LDLRAD4: variants seen among roughly 807,000 people sequenced by gnomAD.
LDLRAD4 encodes low-density lipoprotein receptor class A domain-containing protein 4.
A neutral mutation model predicts 17.0 loss-of-function variants in LDLRAD4; 5 were observed. The observed-to-expected ratio is 0.29, with a 90% confidence interval of 0.15 to 0.62. The LOEUF (loss-of-function observed/expected upper bound fraction) is 0.62. Among genes scored for constraint, LDLRAD4 ranks in the 20% least tolerant of loss-of-function variants. The probability of loss-of-function intolerance (pLI) is 0.84; values close to 1 mark genes in which losing one functional copy is unlikely to be tolerated. For synonymous variants in LDLRAD4, 168 were observed against 171.8 expected (o/e 0.98, Z 0.17); for missense variants, 340 against 424.7 (o/e 0.80, Z 1.75).
At position 13,443,696 on chromosome 18, in the gene LDLRAD4, G is replaced by GTCA. The variant is rs1217870492; in HGVS notation, c.181+5314_181+5315insATC. Among the ~76,000 whole-genome samples, 11 of 149,848 alleles carry GTCA rather than the reference G, an allele frequency of 7.3e-5. No homozygotes were observed. In the South Asian group the frequency reaches 2.1e-3, roughly 29 times the overall value. The stretch of plus-strand genomic sequence containing the variant: ...TTTCCCCTCCCTCCCTCTTCCTGTC[G>GTCA]TCGTCGTCGTCGTCTCCTCCTCCTC... On this transcript the variant is annotated intron_variant, in intron 3 of 5. Transcript: ENST00000359446.
chr18:13,343,815 G>T (rs1456044277), intron 1 of LDLRAD4, among the ~76,000 whole-genome samples: 1 of 152,142 alleles, frequency 6.6e-6, no homozygotes, highest in Non-Finnish European at 1.5e-5. Context: ...GTTTTGATTT[G>T]CATTTCTCTG....
At chr18:13,637,369 C>T (rs1171200014) in intron 4 of LDLRAD4, among the ~76,000 whole-genome samples, 7 of 152,138 alleles carry the variant, frequency 4.6e-5, no homozygotes, top group Non-Finnish European at 1.0e-4. Flanking sequence ...CAGAGAAGAA[C>T]TTGCCTGTAA....
Position 13,345,911 on chromosome 18 carries a change from G to T in LDLRAD4, c.-382-41430G>T, listed in dbSNP as rs1299718435. ...CTGATGGTAGTTTGTATTTCTGGGG[G>T]TTCAATGGTGATATCCCCTTCATCA... On this transcript the variant is annotated intron_variant, in intron 1 of 5. Coordinates refer to ENST00000359446, the Ensembl canonical transcript of LDLRAD4. 5.3e-5 allele frequency among the ~76,000 whole-genome samples: 8 copies of T among 152,098 alleles called. No individual in the cohort carries two copies. In the South Asian group the frequency reaches 1.7e-3, roughly 32 times the overall value.
intron 1 of LDLRAD4, among the ~76,000 whole-genome samples, chr18:13,351,847 C>T (rs756386699): frequency 6.6e-5 from 10 of 152,130 alleles, no homozygotes; most frequent in South Asian, 2.1e-4. Flanking sequence ...TGATGAACAT[C>T]AATGCAAACA....
intron 1 of LDLRAD4, among the ~76,000 whole-genome samples, chr18:13,296,362 G>A (rs967883013): frequency 6.6e-6 from 1 of 152,180 alleles, no homozygotes; most frequent in Non-Finnish European, 1.5e-5. Context: ...TGACAGAAAT[G>A]TATTTTCTGT....
At chr18:13,541,511 A>G (rs567075520) in intron 3 of LDLRAD4, among the ~76,000 whole-genome samples, 11 of 152,330 alleles carry the variant, frequency 7.2e-5, no homozygotes, top group Middle Eastern at 3.4e-3. Flanking sequence ...AGGTGGTGGG[A>G]GTCCCAGCTT....
Position 13,340,509 on chromosome 18 carries a change from G to T in LDLRAD4, c.-382-46832G>T, listed in dbSNP as rs191106600. 2.6e-5 allele frequency among the ~76,000 whole-genome samples: 4 copies of T among 152,166 alleles called. No homozygotes were observed. The East Asian group carries it at 7.7e-4, about 29-fold the overall frequency. On this transcript the variant is annotated intron_variant, in intron 1 of 5. Coordinates refer to ENST00000359446, the Ensembl canonical transcript of LDLRAD4. ...TTTGTGATGTTGAGCACCTTTTCAT[G>T]TGCTTATTGGTCATTTGTGTATCTT...
At chr18:13,617,130 G>T (rs1392190502) in intron 3 of LDLRAD4, among the ~76,000 whole-genome samples, 8 of 151,536 alleles carry the variant, frequency 5.3e-5, no homozygotes, top group Non-Finnish European at 8.8e-5. Flanking sequence ...AAGAGACAGG[G>T]TCTCGCTATA....
At chr18:13,273,142 A>T (rs1233626633), upstream of LDLRAD4, among the ~76,000 whole-genome samples, 1 of 152,142 alleles carries the variant, frequency 6.6e-6, no homozygotes, top group Non-Finnish European at 1.5e-5. Flanking sequence ...GGGTGGGTCC[A>T]TCTGCAATGT....
rs536474899 is a variant in LDLRAD4, at chr18:13,288,654, G to T, written c.-383+10466G>T. 3.3e-5 allele frequency among the ~76,000 whole-genome samples: 5 copies of T among 149,626 alleles called. No homozygotes were observed. The East Asian group carries it at 8.1e-4, about 24-fold the overall frequency. ...GTGGTCACTCTGCAAGGTGAGTCAC[G>T]GGGCCACGGTAGCAGCCCCACAGAC... On this transcript the variant is annotated intron_variant, in intron 1 of 5. Transcript: ENST00000359446.
At chr18:13,255,259 C>T (rs1000419126) in intron 1 of LDLRAD4, among the ~76,000 whole-genome samples, 3 of 152,152 alleles carry the variant, frequency 2.0e-5, no homozygotes. Flanking sequence ...GGGAGCTCCT[C>T]CTGGCCTAGG....
At chr18:13,639,460 T>G (rs939392990) in intron 4 of LDLRAD4, among the ~76,000 whole-genome samples, 1 of 152,184 alleles carries the variant, frequency 6.6e-6, no homozygotes, top group African/African-American at 2.4e-5. Flanking sequence ...CATGAGAGGT[T>G]TAAGGGCTAA....
intron 3 of LDLRAD4, among the ~76,000 whole-genome samples, chr18:13,518,670 G>A (rs1466268457): frequency 6.6e-6 from 1 of 152,166 alleles, no homozygotes. Context: ...CTAGGTTGAA[G>A]GTGGGTTTCT....
intron 3 of LDLRAD4, chr18:13,615,640 G>A (rs2040000099): frequency 6.6e-6 from 1 of 152,222 alleles, no homozygotes; most frequent in Non-Finnish European, 1.5e-5. Context: ...TAAAAATAGA[G>A]AGATGCCATC....
intron 3 of LDLRAD4, among the ~76,000 whole-genome samples, chr18:13,505,980 G>A (rs1380745702): frequency 2.0e-5 from 3 of 152,092 alleles, no homozygotes; most frequent in African/African-American, 7.2e-5. Flanking sequence ...TGCACTGCAC[G>A]AGCTGTCACA....
At chr18:13,444,771 A>T (rs2091276126) in intron 3 of LDLRAD4, among the ~76,000 whole-genome samples, 1 of 152,186 alleles carries the variant, frequency 6.6e-6, no homozygotes, top group Non-Finnish European at 1.5e-5. Flanking sequence ...TGGCCCTGTA[A>T]ATATTTGCTG....
At chr18:13,405,318 T>C (rs1048444064) in intron 2 of LDLRAD4, among the ~76,000 whole-genome samples, 1 of 152,054 alleles carries the variant, frequency 6.6e-6, no homozygotes, top group Non-Finnish European at 1.5e-5. Context: ...GGTGGCAGAG[T>C]TGGACTTTCT....
chr18:13,641,483 A>G (rs1014915089), intron 4 of LDLRAD4, among the ~76,000 whole-genome samples: 2 of 152,240 alleles, frequency 1.3e-5, no homozygotes, highest in Admixed American at 1.3e-4. Flanking sequence ...TCGATTGATT[A>G]GATAGGTTAA....
intron 3 of LDLRAD4, among the ~76,000 whole-genome samples, chr18:13,606,275 T>C (rs1272089517): frequency 6.6e-6 from 1 of 152,250 alleles, no homozygotes; most frequent in African/African-American, 2.4e-5. Flanking sequence ...TTAGCCATTA[T>C]GAAAATCTAT....
Sources: allele counts gnomAD v4.1 joint callset (sites outside exome capture counted in the v4.1 genomes callset), GRCh38; gene constraint gnomAD v4.1.1; transcripts MANE v1.5; gene names NCBI Gene and HGNC (gene_info 2026-07-23, HGNC 2026-07-21).